The following PTPRO variants were observed in gnomAD, a reference collection of about 807,000 sequenced individuals.
PTPRO encodes receptor-type tyrosine-protein phosphatase O.
Under a neutral mutation model 145.2 loss-of-function variants are expected in PTPRO, and 62 were observed. The observed-to-expected ratio is 0.43, with a 90% CI of 0.35 to 0.53. The LOEUF is 0.53. Ranked by LOEUF, PTPRO falls within the 20% of genes least tolerant of loss-of-function variation. PTPRO has a pLI of 0.01. For synonymous variants in PTPRO, 565 were observed against 514.7 expected (o/e 1.10, Z -1.32); for missense variants, 1,345 against 1,482.7 (o/e 0.91, Z 1.53).
intron 1 of PTPRO, among the ~76,000 whole-genome samples, chr12:15,379,412 T>C (rs1357919113): frequency 1.3e-5 from 2 of 151,112 alleles, no homozygotes; most frequent in Admixed American, 6.6e-5. Flanking sequence ...ACACCTGTAA[T>C]TCCAGCTGCT....
intron 1 of PTPRO, among the ~76,000 whole-genome samples, chr12:15,328,301 T>C: frequency 6.6e-6 from 1 of 152,152 alleles, no homozygotes; most frequent in Admixed American, 6.5e-5. Flanking sequence ...TAAGATCATA[T>C]CTTAGCCTTG....
chr12:15,529,773 A>G (rs61910077), intron 12 of PTPRO, among the ~76,000 whole-genome samples: 63,802 of 152,116 alleles, frequency 0.42, 13,681 homozygotes, highest in Admixed American at 0.48. Context: ...AAATTAATAC[A>G]TAACACTTAA....
At chr12:15,476,791 G>A (rs1177386408) in intron 1 of PTPRO, among the ~76,000 whole-genome samples, 1 of 149,566 alleles carries the variant, frequency 6.7e-6, no homozygotes, top group African/African-American at 2.5e-5. Context: ...CAAATCAAAA[G>A]CACTATGAGA....
chr12:15,597,740 G>T lies in PTPRO; in HGVS notation c.*1667G>T, dbSNP rs949528474. Among the ~76,000 whole-genome samples, 1 of 152,164 alleles carries T rather than the reference G, an allele frequency of 6.6e-6. No homozygotes were observed. The highest frequency in any genetic ancestry group is 1.5e-5 in the Non-Finnish European group (1 of 68,032). On this transcript the variant is annotated 3_prime_UTR_variant, in exon 27 of 27. Coordinates refer to ENST00000281171, the MANE Select transcript of PTPRO (RefSeq NM_030667.3). ...TAACAGCTTGGGCTCCTCAGGGGTT[G>T]TCAGTTCCTACTCACCTCCCTGCTA... is the stretch of plus-strand genomic sequence containing the variant.
intron 1 of PTPRO, among the ~76,000 whole-genome samples, chr12:15,402,204 A>G (rs1202157837): frequency 1.3e-5 from 2 of 152,130 alleles, no homozygotes; most frequent in Non-Finnish European, 2.9e-5. Flanking sequence ...CTTGGTCAAC[A>G]TGGTGAAACC....
At chr12:15,519,093 C>T (rs560653324) in intron 9 of PTPRO, among the ~76,000 whole-genome samples, 10 of 152,326 alleles carry the variant, frequency 6.6e-5, no homozygotes, top group Non-Finnish European at 1.0e-4. Context: ...TTTAATTGGG[C>T]TTACAGTTCC....
chr12:15,536,438 G>A (rs1238939185), intron 12 of PTPRO, among the ~76,000 whole-genome samples: 1 of 152,212 alleles, frequency 6.6e-6, no homozygotes, highest in Non-Finnish European at 1.5e-5. Flanking sequence ...GAAGCATAGT[G>A]TTCCTGGCAA....
At position 15,504,067 on chromosome 12, in the gene PTPRO, T is replaced by C. The variant is rs1267794791; in HGVS notation, c.1265T>C (p.Ile422Thr). The C allele has an allele frequency of 6.2e-7, 1 of 1,609,662 alleles. No individual in the cohort carries two copies. The highest frequency in any genetic ancestry group is 1.3e-5 in the African/African-American group (1 of 74,814). Residue 422 changes from isoleucine (I) to threonine (T), a missense_variant and splice_region_variant, in exon 6 of 27, where the codon ATC (isoleucine) becomes ACC (threonine). By Grantham distance (89) the Ile-to-Thr change is moderately conservative (BLOSUM62 -1). This residue lies in a region of PTPRO where 1,130 missense variants were observed against 1,214.7 expected (regional missense o/e 0.93). Coordinates refer to ENST00000281171, the MANE Select transcript of PTPRO (RefSeq NM_030667.3). ...TCAGCAAAATCACTCAGCTTTTATA[T>C]CAGTAAGTAACAAAGAGATCATTTT... ...SQSAKSLSFY[I>T]SPSGEWIEEL...
intron 1 of PTPRO, among the ~76,000 whole-genome samples, chr12:15,403,508 G>A (rs999638171): frequency 1.3e-5 from 2 of 152,144 alleles, no homozygotes; most frequent in African/African-American, 2.4e-5. Context: ...GCGTGAACCC[G>A]GCAGGCGGAG....
At chr12:15,401,555 C>T (rs1449956422) in intron 1 of PTPRO, among the ~76,000 whole-genome samples, 2 of 152,200 alleles carry the variant, frequency 1.3e-5, no homozygotes, top group East Asian at 3.8e-4. Context: ...ACAAAGTCTA[C>T]TGATAGTTTG....
intron 22 of PTPRO, 49 bp downstream of exon 22, chr12:15,580,880 GCCAC>G: frequency 1.2e-6 from 2 of 1,608,474 alleles, no homozygotes. Flanking sequence ...ACCTGCCCTA[GCCAC>G]TGCCGTTGAT....
At chr12:15,559,822 T>C (rs994625554) in intron 16 of PTPRO, among the ~76,000 whole-genome samples, 1 of 152,146 alleles carries the variant, frequency 6.6e-6, no homozygotes, top group African/African-American at 2.4e-5. Context: ...TTTCTTAAAA[T>C]AGGCTTAAGC....
At chr12:15,378,834 A>C (rs1938767211) in intron 1 of PTPRO, among the ~76,000 whole-genome samples, 1 of 152,208 alleles carries the variant, frequency 6.6e-6, no homozygotes, top group African/African-American at 2.4e-5. Flanking sequence ...AAAAGACTTA[A>C]TAACTCAGTA....
chr12:15,541,450 T>C (rs188329725), intron 12 of PTPRO, among the ~76,000 whole-genome samples: 2 of 152,324 alleles, frequency 1.3e-5, no homozygotes, highest in Admixed American at 6.5e-5. Flanking sequence ...AGGGCTGTCA[T>C]AGCAAAATAC....
intron 19 of PTPRO, among the ~76,000 whole-genome samples, chr12:15,570,157 G>A (rs953354969): frequency 6.6e-6 from 1 of 152,100 alleles, no homozygotes; most frequent in Admixed American, 6.6e-5. Context: ...TAATATCTCA[G>A]CAGTGTGGGG....
intron 1 of PTPRO, among the ~76,000 whole-genome samples, chr12:15,409,219 T>C (rs1387944384): frequency 1.3e-5 from 2 of 152,184 alleles, no homozygotes; most frequent in Non-Finnish European, 2.9e-5. Flanking sequence ...TGTCTCTCAC[T>C]GTGCCAATTT....
At chr12:15,327,672 G>GTT (rs200281319) in intron 1 of PTPRO, among the ~76,000 whole-genome samples, 35 of 151,974 alleles carry the variant, frequency 2.3e-4, no homozygotes, top group Non-Finnish European at 4.4e-4. Flanking sequence ...AAATATGTAA[G>GTT]TTTTTTTTGT....
intron 1 of PTPRO, among the ~76,000 whole-genome samples, chr12:15,461,852 A>T (rs1941311308): frequency 6.6e-6 from 1 of 151,680 alleles, no homozygotes; most frequent in South Asian, 2.1e-4. Context: ...AGGCGTGAGC[A>T]ACCATGCCTG....
At chr12:15,384,582 T>G (rs530442222) in intron 1 of PTPRO, among the ~76,000 whole-genome samples, 27 of 152,254 alleles carry the variant, frequency 1.8e-4, no homozygotes, top group Non-Finnish European at 3.4e-4. Context: ...TTTTATCAAA[T>G]TAGGAACCCT....
Sources: gnomAD v4.1 joint callset for allele counts (sites outside exome capture counted in the v4.1 genomes callset) on GRCh38, gnomAD v4.1.1 for gene constraint, gnomAD v4.1.1 regional missense constraint, MANE v1.5 for transcripts, NCBI Gene and HGNC (gene_info 2026-07-23, HGNC 2026-07-21) for gene names.